ZFAND3: variants seen among roughly 807,000 people sequenced by gnomAD.
ZFAND3 encodes zinc finger AN1-type containing 3, also known as AN1-type zinc finger protein 3.
A neutral mutation model predicts 29.6 loss-of-function variants in ZFAND3; 10 were observed. The observed-to-expected ratio is 0.34, with a 90% CI of 0.21 to 0.57. ZFAND3 has a LOEUF of 0.57. ZFAND3 is among the 20% of genes least tolerant of loss of function. The probability of loss-of-function intolerance (pLI) is 0.86; values close to 1 mark genes in which losing one functional copy is unlikely to be tolerated. For synonymous variants in ZFAND3, 128 were observed against 112.6 expected, an observed-to-expected ratio of 1.14 and a Z score of -0.87; for missense variants, 230 against 304.5, an observed-to-expected ratio of 0.76 and a Z score of 1.82.
rs576514026 is a variant in ZFAND3 at position 38,134,959 on chromosome 6, G to A, written c.530-17276G>A. Among the ~76,000 whole-genome samples the A allele has an allele frequency of 2.6e-5, 4 of 152,324 alleles. No homozygotes were observed. In the East Asian group the frequency reaches 7.7e-4, roughly 29 times the overall value. ...AGACATGGAGAAGACTGCCTTAGAG[G>A]TCAGTATATCTGCCAATAACCAGAT... is the stretch of plus-strand genomic sequence containing the variant. On this transcript the variant is annotated intron_variant, in intron 5 of 5. Transcript: ENST00000287218.
intron 1 of ZFAND3, among the ~76,000 whole-genome samples, chr6:37,845,184 A>G (rs1289935383): frequency 6.6e-6 from 1 of 152,208 alleles, no homozygotes; most frequent in East Asian, 1.9e-4. Flanking sequence ...TGAGAGGAGT[A>G]GCACAGAGCT....
At chr6:37,947,149 C>CT (rs1287799378) in intron 2 of ZFAND3, among the ~76,000 whole-genome samples, 1 of 151,996 alleles carries the variant, frequency 6.6e-6, no homozygotes, top group African/African-American at 2.4e-5. Flanking sequence ...TTGCCAAAAT[C>CT]TTTCTTTGTT....
At chr6:37,850,312 A>C (rs903823076) in intron 1 of ZFAND3, among the ~76,000 whole-genome samples, 1 of 152,152 alleles carries the variant, frequency 6.6e-6, no homozygotes, top group African/African-American at 2.4e-5. Context: ...GACCTTTAAA[A>C]ACTGGAATTG....
intron 5 of ZFAND3, among the ~76,000 whole-genome samples, chr6:38,134,030 A>G (rs569099397): frequency 6.6e-6 from 1 of 152,288 alleles, no homozygotes; most frequent in South Asian, 2.1e-4. Flanking sequence ...TTTTTATTGA[A>G]TGGTAAAAAT....
intron 5 of ZFAND3, among the ~76,000 whole-genome samples, chr6:38,124,816 C>T (rs1321862187): frequency 6.6e-6 from 1 of 152,248 alleles, no homozygotes; most frequent in African/African-American, 2.4e-5. Flanking sequence ...AGAGCGGACG[C>T]TGAGGCCGAG....
intron 2 of ZFAND3, among the ~76,000 whole-genome samples, chr6:38,040,317 A>G (rs1763735490): frequency 6.6e-6 from 1 of 152,174 alleles, no homozygotes; most frequent in South Asian, 2.1e-4. Flanking sequence ...TATCTTAACA[A>G]TGCTTAACTA....
chr6:38,122,990 G>GAGGAAA (rs1489355326), intron 5 of ZFAND3, among the ~76,000 whole-genome samples: 4 of 152,196 alleles, frequency 2.6e-5, no homozygotes, highest in Non-Finnish European at 4.4e-5. Context: ...GTTAGAAAGG[G>GAGGAAA]AGGAAAAGGA....
chr6:37,875,568 A>G (rs1764776968), intron 1 of ZFAND3, among the ~76,000 whole-genome samples: 1 of 152,190 alleles, frequency 6.6e-6, no homozygotes, highest in South Asian at 2.1e-4. Flanking sequence ...ACTTATGTTC[A>G]TGAACAAGAT....
intron 1 of ZFAND3, among the ~76,000 whole-genome samples, chr6:37,921,432 TAA>T (rs371486882): frequency 6.8e-6 from 1 of 146,378 alleles, no homozygotes; most frequent in Non-Finnish European, 1.5e-5. Context: ...CCAGTTGGGT[TAA>T]AAAAAAAAAG....
At chr6:38,037,592 C>G (rs553201915) in intron 2 of ZFAND3, among the ~76,000 whole-genome samples, 1 of 152,312 alleles carries the variant, frequency 6.6e-6, no homozygotes, top group South Asian at 2.1e-4. Context: ...GGTATACATG[C>G]TTTAATGTAG....
At position 38,153,705 on chromosome 6, in the gene ZFAND3, G is replaced by A. The variant is rs1766285363; in HGVS notation, c.*1316G>A. 2.0e-6 allele frequency: 2 copies of A among 985,246 alleles called. No individual in the cohort carries two copies. The highest frequency in any genetic ancestry group is 5.2e-4 in the Middle Eastern group (1 of 1,938). 61.0% of individuals were successfully genotyped at this position (985,246 alleles called of 1,614,324 possible). On this transcript the variant is annotated 3_prime_UTR_variant, in exon 6 of 6. Coordinates refer to ENST00000287218, the MANE Select transcript of ZFAND3 (RefSeq NM_021943.3). ...GGGTGGGCCTGGTTGCCCCATGTTA[G>A]GAAATCACTACCAGTCAGGTGGGGC...
At chr6:38,103,600 A>T in intron 4 of ZFAND3, among the ~76,000 whole-genome samples, 1 of 149,258 alleles carries the variant, frequency 6.7e-6, no homozygotes, top group Non-Finnish European at 1.5e-5. Context: ...CAGATGAAAA[A>T]TCTTGGCTGA....
intron 2 of ZFAND3, among the ~76,000 whole-genome samples, chr6:38,004,601 T>C (rs796913985): frequency 3.9e-5 from 6 of 152,024 alleles, no homozygotes; most frequent in African/African-American, 1.4e-4. Flanking sequence ...CGGTATTAAA[T>C]GTAACAATAT....
intron 2 of ZFAND3, among the ~76,000 whole-genome samples, chr6:38,018,985 CAG>C (rs1401630122): frequency 5.3e-5 from 8 of 151,630 alleles, no homozygotes; most frequent in East Asian, 3.9e-4. Flanking sequence ...TTTTTTGGGA[CAG>C]AGTGTCACTC....
intron 2 of ZFAND3, among the ~76,000 whole-genome samples, chr6:37,993,379 C>T (rs1367833612): frequency 5.9e-5 from 9 of 151,734 alleles, no homozygotes; most frequent in African/African-American, 1.5e-4. Flanking sequence ...CAGGCTGGAG[C>T]GCAGTGGCGT....
At chr6:37,845,192 G>A (rs1178055677) in intron 1 of ZFAND3, among the ~76,000 whole-genome samples, 1 of 152,138 alleles carries the variant, frequency 6.6e-6, no homozygotes, top group Non-Finnish European at 1.5e-5. Flanking sequence ...GTAGCACAGA[G>A]CTTGGGGCCA....
intron 4 of ZFAND3, among the ~76,000 whole-genome samples, chr6:38,102,089 TTCTTCTTCCTCCTCC>T (rs768344364): frequency 1.3e-5 from 2 of 152,132 alleles, no homozygotes; most frequent in Admixed American, 6.6e-5. Flanking sequence ...CCTTTCTTCT[TTCTTCTTCCTCCTCC>T]TCTTCTTCCT....
At chr6:37,920,121 G>A (rs1299092645) in intron 1 of ZFAND3, among the ~76,000 whole-genome samples, 2 of 125,204 alleles carry the variant, frequency 1.6e-5, no homozygotes, top group African/African-American at 6.0e-5. Flanking sequence ...TGCCTCAAAA[G>A]TAAGGATTTA....
At chr6:37,933,883 A>ATTTT (rs58837762) in intron 2 of ZFAND3, among the ~76,000 whole-genome samples, 45 of 116,498 alleles carry the variant, frequency 3.9e-4, no homozygotes, top group Non-Finnish European at 5.7e-4. Flanking sequence ...TCTCTCTCTC[A>ATTTT]TTTTTTTTTT....
Sources: gnomAD v4.1 joint callset for allele counts (sites outside exome capture counted in the v4.1 genomes callset) on GRCh38, gnomAD v4.1.1 for gene constraint, MANE v1.5 for transcripts, NCBI Gene and HGNC (gene_info 2026-07-23, HGNC 2026-07-21) for gene names.